The following TDRD1 variants were observed in gnomAD, a reference collection of about 807,000 sequenced individuals.
TDRD1 encodes the protein tudor domain-containing protein 1.
A neutral mutation model predicts 140.6 loss-of-function variants in TDRD1; 37 were observed. That is an observed-to-expected ratio of 0.26 (90% CI 0.20 to 0.35). The LOEUF is 0.35. TDRD1 is among the 10% of genes least tolerant of loss of function. The pLI is 1.00. For missense variants in TDRD1, 1,243 were observed against 1,393.0 expected (o/e 0.89, Z 1.71); for synonymous variants, 506 against 475.7 (o/e 1.06, Z -0.83).
At chr10:114,192,128 T>C (rs1295572106) in intron 3 of TDRD1, among the ~76,000 whole-genome samples, 1 of 151,926 alleles carries the variant, frequency 6.6e-6, no homozygotes, top group Non-Finnish European at 1.5e-5. Context: ...GTACGTGATT[T>C]GCCAATATTT....
chr10:114,188,305 G>GA (rs1394679032), intron 2 of TDRD1, 149 bp downstream of exon 2: 3 of 727,266 alleles, frequency 4.1e-6, no homozygotes, highest in Non-Finnish European at 6.3e-6. Context: ...AATTTAGAAG[G>GA]AAAAACCAGA....
exon 26 of TDRD1, chr10:114,231,988 T>C (rs1004088755): frequency 1.3e-5 from 2 of 153,132 alleles, no homozygotes; most frequent in African/African-American, 4.8e-5. Context: ...TTCTGTCCGT[T>C]TGAAATATTT....
chr10:114,213,179 G>A (rs908011840), intron 14 of TDRD1, among the ~76,000 whole-genome samples, 167 bp from the exon 15 acceptor site: 7 of 152,102 alleles, frequency 4.6e-5, no homozygotes, highest in Non-Finnish European at 7.4e-5. Context: ...CCACCAGCAG[G>A]CTTTTTCTTT....
chr10:114,217,553 A>G (rs746490588), exon 17 of TDRD1: 10 of 1,561,618 alleles, frequency 6.4e-6, no homozygotes, highest in Middle Eastern at 1.7e-4. Context: ...AGCTTTAAAG[A>G]AACTCAATGA....
At chr10:114,187,302 T>C (rs2033613602) in intron 1 of TDRD1, among the ~76,000 whole-genome samples, 1 of 151,996 alleles carries the variant, frequency 6.6e-6, no homozygotes, top group African/African-American at 2.4e-5. Context: ...TCAGCTGAGA[T>C]GGATTGTGAA....
Position 114,219,178 on chromosome 10 carries a change from A to C in TDRD1, c.2494+594A>C, listed in dbSNP as rs1312752592. On this transcript the variant is annotated intron_variant, in intron 18 of 25. Coordinates refer to ENST00000251864, the Ensembl canonical transcript of TDRD1. ...GAATTGTTCATGATTTAAGTGAAGA[A>C]AACAGGTTATAAAAGAGTGTTGTGA... 4.6e-5 allele frequency among the ~76,000 whole-genome samples: 7 copies of C among 152,324 alleles called. No homozygotes were observed. The East Asian group carries it at 1.3e-3, about 29-fold the overall frequency.
At chr10:114,222,835 G>T in intron 21 of TDRD1, 132 bp downstream of exon 21, 1 of 574,770 alleles carries the variant, frequency 1.7e-6, no homozygotes, top group Non-Finnish European at 3.1e-6. Context: ...GGAAGGCAGT[G>T]TTGTGGATTT....
intron 21 of TDRD1, among the ~76,000 whole-genome samples, chr10:114,223,305 C>T (rs1052015332): frequency 9.2e-5 from 14 of 152,110 alleles, no homozygotes; most frequent in Non-Finnish European, 1.3e-4. Context: ...ATGGCAGCCA[C>T]GTGGGGCTAG....
At chr10:114,177,780 G>A (rs191442406), upstream of TDRD1, among the ~76,000 whole-genome samples, 3 of 151,758 alleles carry the variant, frequency 2.0e-5, no homozygotes, top group African/African-American at 4.8e-5. Flanking sequence ...TAGGGGAAAC[G>A]ATGTGGCTTC....
At chr10:114,226,308 A>G (rs2036433958) in intron 22 of TDRD1, 92 bp downstream of exon 22, 1 of 780,136 alleles carries the variant, frequency 1.3e-6, no homozygotes, top group African/African-American at 1.8e-5. Flanking sequence ...TCAAATGGGT[A>G]TTTCCAGTAA....
exon 19 of TDRD1, chr10:114,220,693 A>G (rs1564691592): frequency 1.2e-6 from 2 of 1,614,050 alleles, no homozygotes; most frequent in Middle Eastern, 1.7e-4. Context: ...AGTTGAACTC[A>G]CCGATCTCTC....
At position 114,202,231 on chromosome 10, in the gene TDRD1, A is replaced by T; in HGVS notation, c.636-7A>T. 1 of 1,599,680 alleles carries T rather than the reference A, an allele frequency of 6.3e-7. No individual in the cohort carries two copies. The stretch of plus-strand genomic sequence containing the variant: ...TATAAATATTGTAATCTGTTGCTTT[A>T]TTGCAGTTTCCACAAACTTGAAAAT... On this transcript the variant is annotated splice_region_variant and splice_polypyrimidine_tract_variant and intron_variant, in intron 5 of 25. Transcript: ENST00000251864.
intron 3 of TDRD1, among the ~76,000 whole-genome samples, chr10:114,196,264 G>C (rs567668609): frequency 2.0e-5 from 3 of 152,104 alleles, no homozygotes; most frequent in Non-Finnish European, 4.4e-5. Flanking sequence ...TCTTCTTTCT[G>C]TTTCAGTGTT....
intron 18 of TDRD1, among the ~76,000 whole-genome samples, chr10:114,219,949 C>A (rs1373586193): frequency 6.6e-6 from 1 of 152,092 alleles, no homozygotes; most frequent in Admixed American, 6.5e-5. Context: ...TTATGGCCCC[C>A]AAACCAGCAA....
intron 1 of TDRD1, among the ~76,000 whole-genome samples, chr10:114,180,331 A>G (rs1466123099): frequency 1.3e-5 from 2 of 152,244 alleles, no homozygotes; most frequent in African/African-American, 2.4e-5. Flanking sequence ...TGCATTTTAC[A>G]GTCGCTGAAT....
intron 21 of TDRD1, 31 bp downstream of exon 21, chr10:114,222,734 G>A (rs367712312): frequency 1.7e-5 from 21 of 1,271,600 alleles, no homozygotes; most frequent in Admixed American, 3.5e-5. Context: ...ATATTTGAGG[G>A]AAGGTATTTA....
chr10:114,195,203 A>T (rs1259601369), intron 3 of TDRD1, among the ~76,000 whole-genome samples: 1 of 152,146 alleles, frequency 6.6e-6, no homozygotes, highest in African/African-American at 2.4e-5. Context: ...TGGTCAGAGA[A>T]CACCTTCTGA....
chr10:114,226,255 TA>T (rs763001120), intron 22 of TDRD1, 39 bp downstream of exon 22: 154 of 1,486,410 alleles, frequency 1.0e-4, no homozygotes, highest in Non-Finnish European at 1.3e-4. Flanking sequence ...GGTTTCTGGG[TA>T]TTTTTTTTTT....
At chr10:114,202,376 A>T in intron 6 of TDRD1, 78 bp downstream of exon 6, 1 of 1,011,714 alleles carries the variant, frequency 9.9e-7, no homozygotes, top group Admixed American at 2.9e-5. Context: ...TTTTAGGCTT[A>T]TTTCTGTATT....
Sources: gnomAD v4.1 joint callset for allele counts (sites outside exome capture counted in the v4.1 genomes callset) on GRCh38, gnomAD v4.1.1 for gene constraint, MANE v1.5 for transcripts, NCBI Gene and HGNC (gene_info 2026-07-23, HGNC 2026-07-21) for gene names.